The following LARS1 variants were observed in gnomAD, a reference collection of about 807,000 sequenced individuals.
LARS1 encodes leucine--tRNA ligase, cytoplasmic.
In LARS1, 100 loss-of-function variants were observed where a neutral mutation model predicts 162.8. The ratio of observed to expected loss-of-function variants is 0.61; its 90% CI spans 0.52 to 0.73. The LOEUF is 0.73. Among genes scored for constraint, LARS1 ranks in the 30% least tolerant of loss-of-function variants. The probability of loss-of-function intolerance (pLI) is 0.00; values close to 1 mark genes in which losing one functional copy is unlikely to be tolerated. For missense variants in LARS1, 1,258 were observed against 1,408.9 expected, an observed-to-expected ratio of 0.89 and a Z score of 1.71; for synonymous variants, 457 against 462.8, an observed-to-expected ratio of 0.99 and a Z score of 0.16.
intron 6 of LARS1, among the ~76,000 whole-genome samples, chr5:146,162,751 T>C (rs140923242): frequency 6.6e-6 from 1 of 152,370 alleles, no homozygotes; most frequent in African/African-American, 2.4e-5. Flanking sequence ...TTGTTTAGCG[T>C]AGCCACTTTC....
chr5:146,144,560 G>A, intron 16 of LARS1, 23 bp from the exon 17 acceptor site: 1 of 1,602,428 alleles, frequency 6.2e-7, no homozygotes, highest in Non-Finnish European at 8.5e-7. Flanking sequence ...AAATTGATAT[G>A]TTTTTTTTTA....
intron 27 of LARS1, 33 bp from the exon 28 acceptor site, chr5:146,126,578 A>C: frequency 1.4e-6 from 2 of 1,477,156 alleles, no homozygotes; most frequent in Non-Finnish European, 1.9e-6. Context: ...GTAATGTAGA[A>C]AAAAAAGTCT....
intron 17 of LARS1, 52 bp from the exon 18 acceptor site, chr5:146,144,401 T>C: frequency 6.3e-7 from 1 of 1,597,192 alleles, no homozygotes. Context: ...CTTTTTTTGT[T>C]GCATTTCAAC....
At chr5:146,179,572 TA>T in intron 1 of LARS1, 2 of 270,078 alleles carry the variant, frequency 7.4e-6, no homozygotes, top group South Asian at 2.8e-5. Flanking sequence ...CGGTCATGGG[TA>T]ATATGAAATT....
chr5:146,169,454 G>A (rs1754162304), intron 4 of LARS1, among the ~76,000 whole-genome samples: 1 of 152,078 alleles, frequency 6.6e-6, no homozygotes, highest in South Asian at 2.1e-4. Flanking sequence ...ATAAAAACAG[G>A]CAAGGATGAT....
chr5:146,144,668 C>A lies in LARS1; in HGVS notation c.1545G>T (p.Met515Ile). The A allele has an allele frequency of 6.2e-7, 1 of 1,614,066 alleles. No individual in the cohort carries two copies. The highest frequency in any genetic ancestry group is 8.5e-7 in the Non-Finnish European group (1 of 1,180,014). Residue 515 changes from methionine to isoleucine, a missense_variant, in exon 16 of 32, where the codon ATG becomes ATT. Physicochemically the swap from Met to Ile is conservative, Grantham distance 10. Coordinates refer to ENST00000394434, the MANE Select transcript of LARS1 (RefSeq NM_020117.11). ...LIYMEPEKQV[M>I]SRSSDECVVA... ...CAACACATTCATCTGACGACCTGGA[C>A]ATCACTTGTTTCTCTGGTTCCATGT...
chr5:146,160,440 T>G lies in LARS1; in HGVS notation c.641A>C (p.Tyr214Ser). 1.9e-6 allele frequency: 3 copies of G among 1,585,776 alleles called. No homozygotes were observed. Among genetic ancestry groups the G allele is most frequent in the Non-Finnish European group, 2.6e-6 (3 of 1,168,588 alleles). Residue 214 changes from tyrosine to serine, a missense_variant, in exon 7 of 32, where the codon TAT becomes TCT. Physicochemically the swap from Tyr to Ser is moderately radical, Grantham distance 144. Transcript: ENST00000394434. Reference protein sequence around the residue: ...SFITTDVNPYYDSFVRWQFLT... With the variant: ...SFITTDVNPYSDSFVRWQFLT... Reference sequence around the variant, plus strand: ...AAATTGCCATCTGACAAATGAATCATAGTAAGGATTAACATCAGTGGTGAT... The same window carrying G: ...AAATTGCCATCTGACAAATGAATCAGAGTAAGGATTAACATCAGTGGTGAT...
In LARS1 at chr5:146,132,950, C is replaced by T. The variant is rs1278648789; in HGVS notation, c.2344G>A (p.Asp782Asn). 2 of 1,614,140 alleles carry T rather than the reference C, an allele frequency of 1.2e-6. No individual in the cohort carries two copies. Among genetic ancestry groups the T allele is most frequent in the Non-Finnish European group, 1.7e-6 (2 of 1,180,006 alleles). ...EWVKEMVANWDSLRSGPASTF... is the reference protein window; with the variant it reads ...EWVKEMVANWNSLRSGPASTF... ...CTGGCAGGACCACTTCTTAGGCTGT[C>T]CCAGTTGGCAACCATTTCTTTCACC... The change falls in exon 23 of 32, where the codon GAC (aspartate) becomes AAC (asparagine). Residue 782 changes from aspartate (D) to asparagine (N), a missense_variant. Coordinates refer to ENST00000394434, the MANE Select transcript of LARS1 (RefSeq NM_020117.11).
At chr5:146,119,398 T>C (rs969379345) in intron 31 of LARS1, among the ~76,000 whole-genome samples, 1 of 152,226 alleles carries the variant, frequency 6.6e-6, no homozygotes, top group African/African-American at 2.4e-5. Flanking sequence ...TCAAGTCTCC[T>C]ATTTTAATTC....
chr5:146,133,048 G>A lies in LARS1; in HGVS notation c.2246C>T (p.Thr749Ile). The A allele has an allele frequency of 6.2e-7, 1 of 1,613,932 alleles. No individual in the cohort carries two copies. The highest frequency in any genetic ancestry group is 8.5e-7 in the Non-Finnish European group (1 of 1,179,948). Residue 749 changes from threonine (T) to isoleucine (I), a missense_variant, in exon 23 of 32, where the codon ACT becomes ATT. Physicochemically the swap from Thr to Ile is moderately conservative, Grantham distance 89. Coordinates refer to ENST00000394434, the MANE Select transcript of LARS1 (RefSeq NM_020117.11). ...MRLALADAGD[T>I]VEDANFVEAM... ...TTCCACAAAGTTGGCATCTTCTACA[G>A]TGTCACCAGCATCAGCCAGAGCCAA...
chr5:146,135,503 C>A, intron 22 of LARS1, 98 bp downstream of exon 22: 1 of 898,042 alleles, frequency 1.1e-6, no homozygotes, highest in Admixed American at 2.9e-5. Context: ...TTGTTAAAAG[C>A]AAAACAGAAA....
intron 27 of LARS1, among the ~76,000 whole-genome samples, chr5:146,126,932 G>A (rs1234689919): frequency 6.6e-6 from 1 of 151,962 alleles, no homozygotes; most frequent in Non-Finnish European, 1.5e-5. Flanking sequence ...TTGGACACTT[G>A]GAAGAAACTG....
At chr5:146,114,471 C>T (rs1764110631) in intron 31 of LARS1, among the ~76,000 whole-genome samples, 160 bp from the exon 32 acceptor site, 1 of 152,186 alleles carries the variant, frequency 6.6e-6, no homozygotes, top group Admixed American at 6.5e-5. Context: ...CGGTGGCTCA[C>T]ACCTGTAATC....
chr5:146,164,333 C>G lies in LARS1; in HGVS notation c.571G>C (p.Asp191His). 1 of 1,614,066 alleles carries G rather than the reference C, an allele frequency of 6.2e-7. No individual in the cohort carries two copies. Among genetic ancestry groups the G allele is most frequent in the Non-Finnish European group, 8.5e-7 (1 of 1,179,980 alleles). Residue 191 changes from aspartate to histidine, a missense_variant, in exon 6 of 32, where the codon GAT becomes CAT. Asp to His is a moderately conservative substitution (Grantham distance 81). Coordinates refer to ENST00000394434, the MANE Select transcript of LARS1 (RefSeq NM_020117.11). ...LDYFPPLAIQ[D>H]LKRMGLKVDW... The stretch of plus-strand genomic sequence containing the variant: ...ACCTTCAAACCCATTCTTTTTAAAT[C>G]CTGAATAGCCAGTGGCGGGAAATAA...
Position 146,143,547 on chromosome 5 carries a change from G to C in LARS1, c.1742C>G (p.Thr581Ser), listed in dbSNP as rs1202885755. ...CCACTGCTCATCCCAAGGCAGGTGA[G>C]TGCCTGAAAAATAAAAAGTAACGCA... ...HACSRTYGLG[T>S]HLPWDEQWLI... The change falls in exon 19 of 32, where the codon ACT (threonine) becomes AGT (serine). Residue 581 changes from threonine (T) to serine (S), a missense_variant. By Grantham distance (58) the Thr-to-Ser change is moderately conservative (BLOSUM62 1). Coordinates refer to ENST00000394434, the MANE Select transcript of LARS1 (RefSeq NM_020117.11). 3 of 1,612,500 alleles carry C rather than the reference G, an allele frequency of 1.9e-6. No homozygotes were observed.
At chr5:146,142,590 G>A (rs957744006) in intron 20 of LARS1, among the ~76,000 whole-genome samples, 6 of 152,122 alleles carry the variant, frequency 3.9e-5, no homozygotes, top group Non-Finnish European at 8.8e-5. Flanking sequence ...AATTCTAATG[G>A]TCTAGAATTA....
At chr5:146,135,748 C>A in intron 21 of LARS1, 84 bp from the exon 22 acceptor site, 2 of 905,874 alleles carry the variant, frequency 2.2e-6, no homozygotes, top group South Asian at 1.7e-5. Context: ...CTAGGTTGGC[C>A]ATGACCAGAT....
At chr5:146,121,475 G>C (rs189252915) in intron 30 of LARS1, among the ~76,000 whole-genome samples, 7 of 151,766 alleles carry the variant, frequency 4.6e-5, no homozygotes, top group Admixed American at 4.6e-4. Context: ...CCCATTATTG[G>C]GTATATACCC....
chr5:146,141,867 C>T (rs1055745476), intron 20 of LARS1, among the ~76,000 whole-genome samples: 9 of 150,734 alleles, frequency 6.0e-5, no homozygotes, highest in African/African-American at 2.2e-4. Flanking sequence ...TTAAATTTAT[C>T]TTATTCCTCT....
Sources: gnomAD v4.1 joint callset for allele counts (sites outside exome capture counted in the v4.1 genomes callset) on GRCh38, gnomAD v4.1.1 for gene constraint, MANE v1.5 for transcripts, NCBI Gene and HGNC (gene_info 2026-07-23, HGNC 2026-07-21) for gene names.